The following PLPP1 variants were observed in gnomAD, a reference collection of about 807,000 sequenced individuals.
PLPP1 encodes lipid phosphate phosphohydrolase 1a.
A neutral mutation model predicts 31.2 loss-of-function variants in PLPP1; 24 were observed. The observed-to-expected ratio is 0.77, with a 90% CI of 0.56 to 1.08. The LOEUF is 1.08. Ranked by LOEUF, PLPP1 falls within the 50% of genes least tolerant of loss-of-function variation. The pLI, the probability that PLPP1 is intolerant of heterozygous loss-of-function variation, is 0.00. For missense variants in PLPP1, 319 were observed against 342.7 expected (o/e 0.93, Z 0.55); for synonymous variants, 146 against 126.3 (o/e 1.16, Z -1.05).
At chr5:55,457,790 G>A (rs773875011) in intron 3 of PLPP1, among the ~76,000 whole-genome samples, 1 of 151,790 alleles carries the variant, frequency 6.6e-6, no homozygotes, top group Admixed American at 6.6e-5. Flanking sequence ...TCAGGAGGCT[G>A]AGGCAGGAGA....
chr5:55,444,743 T>TGTGTGTGTGCGTGTG (rs368045819), intron 3 of PLPP1, among the ~76,000 whole-genome samples: 1 of 137,268 alleles, frequency 7.3e-6, no homozygotes, highest in Non-Finnish European at 1.6e-5. Context: ...GGATTCTATT[T>TGTGTGTGTGCGTGTG]TGTGTGTGTG....
intron 4 of PLPP1, among the ~76,000 whole-genome samples, chr5:55,431,169 A>G (rs1172193170): frequency 6.6e-6 from 1 of 152,238 alleles, no homozygotes; most frequent in African/African-American, 2.4e-5. Context: ...AAACTTCCCA[A>G]GTCTAGCAAG....
rs1166284058 is a variant in PLPP1, at chr5:55,443,211, A to ATATATATATG, written c.492-1304_492-1303insCATATATATA. ...AAAAAAAATATATATATATATATATATACACACACACACACACACACACAT... is the reference window on the plus strand; with the variant it reads ...AAAAAAAATATATATATATATATATATATATATATGTACACACACACACACACACACACAT... On this transcript the variant is annotated intron_variant, in intron 3 of 5. Coordinates refer to ENST00000307259, the MANE Select transcript of PLPP1 (RefSeq NM_003711.4). 1.0e-4 allele frequency among the ~76,000 whole-genome samples: 13 copies of ATATATATATG among 125,302 alleles called. No individual in the cohort carries two copies. In the East Asian group the frequency reaches 2.9e-3, roughly 28 times the overall value. The allele number at this position is 125,302 out of a possible 152,430, so 82.2% of individuals were successfully genotyped here. A position where few individuals can be genotyped will look rare whatever the true frequency, so the allele number is the denominator to read the frequency against.
intron 1 of PLPP1, among the ~76,000 whole-genome samples, chr5:55,528,877 G>A (rs1222776255): frequency 1.3e-5 from 2 of 152,090 alleles, no homozygotes; most frequent in Non-Finnish European, 2.9e-5. Context: ...TTTATTCTGT[G>A]ATTTGGGCCT....
intron 1 of PLPP1, among the ~76,000 whole-genome samples, chr5:55,529,450 T>A (rs1740580463): frequency 6.6e-6 from 1 of 152,142 alleles, no homozygotes; most frequent in African/African-American, 2.4e-5. Flanking sequence ...GAGCTGCTAT[T>A]CAGCTTAGTA....
intron 1 of PLPP1, chr5:55,491,127 G>C (rs762866300): frequency 6.3e-7 from 1 of 1,599,314 alleles, no homozygotes; most frequent in South Asian, 1.1e-5. Context: ...GTTGGGGAAG[G>C]GAAAAAAAGA....
At chr5:55,438,328 T>C (rs1751542861) in intron 4 of PLPP1, among the ~76,000 whole-genome samples, 1 of 152,158 alleles carries the variant, frequency 6.6e-6, no homozygotes, top group Non-Finnish European at 1.5e-5. Context: ...AGGTTTTCAC[T>C]GATGCTGACA....
At chr5:55,477,790 ATTTC>A (rs1752587394) in intron 1 of PLPP1, among the ~76,000 whole-genome samples, 2 of 152,038 alleles carry the variant, frequency 1.3e-5, no homozygotes. Flanking sequence ...TCCAATAAAC[ATTTC>A]TTTCTTTTGG....
intron 3 of PLPP1, among the ~76,000 whole-genome samples, chr5:55,451,803 T>G (rs972228952): frequency 6.6e-6 from 1 of 152,170 alleles, no homozygotes; most frequent in Non-Finnish European, 1.5e-5. Flanking sequence ...CCTCGTGATC[T>G]GCCCACCTTG....
chr5:55,468,192 G>C (rs746289802), intron 2 of PLPP1, 43 bp from the exon 3 acceptor site: 44 of 1,486,646 alleles, frequency 3.0e-5, no homozygotes, highest in Non-Finnish European at 2.2e-5. Context: ...GTAGCAAGCA[G>C]GCACTTTAAA....
At chr5:55,437,053 T>C (rs956578456) in intron 4 of PLPP1, among the ~76,000 whole-genome samples, 2 of 152,164 alleles carry the variant, frequency 1.3e-5, no homozygotes, top group African/African-American at 4.8e-5. Context: ...TACCCAACCA[T>C]GCTGGCACCC....
At chr5:55,494,145 T>C (rs1752955577) in intron 1 of PLPP1, among the ~76,000 whole-genome samples, 1 of 147,434 alleles carries the variant, frequency 6.8e-6, no homozygotes, top group Non-Finnish European at 1.5e-5. Flanking sequence ...GTCAGCAACA[T>C]GGTAAAATGA....
chr5:55,437,120 T>A (rs953176312), intron 4 of PLPP1, among the ~76,000 whole-genome samples: 3 of 152,214 alleles, frequency 2.0e-5, no homozygotes, highest in Non-Finnish European at 4.4e-5. Context: ...AACCACCCAG[T>A]CTGCTGCAAT....
intron 4 of PLPP1, among the ~76,000 whole-genome samples, chr5:55,428,725 A>G (rs1354216748): frequency 1.3e-5 from 2 of 152,208 alleles, no homozygotes; most frequent in African/African-American, 4.8e-5. Context: ...CGCCAAGGCT[A>G]ATAGTAAAAA....
intron 3 of PLPP1, among the ~76,000 whole-genome samples, chr5:55,449,474 T>C (rs1751848621): frequency 6.6e-6 from 1 of 152,186 alleles, no homozygotes; most frequent in African/African-American, 2.4e-5. Context: ...CTCTTCCTAA[T>C]AGTTTCCCCA....
At chr5:55,518,201 T>C (rs1460808168) in intron 1 of PLPP1, among the ~76,000 whole-genome samples, 2 of 152,320 alleles carry the variant, frequency 1.3e-5, no homozygotes, top group East Asian at 1.9e-4. Context: ...AGCACTCATC[T>C]AGAAATTTCC....
intron 4 of PLPP1, among the ~76,000 whole-genome samples, chr5:55,439,538 C>CT (rs1457432909): frequency 1.3e-5 from 2 of 152,184 alleles, no homozygotes; most frequent in Admixed American, 1.3e-4. Flanking sequence ...TAAAGTTGTT[C>CT]TTTTAACACA....
At chr5:55,484,153 G>C (rs1017411033) in intron 1 of PLPP1, among the ~76,000 whole-genome samples, 5 of 152,092 alleles carry the variant, frequency 3.3e-5, no homozygotes, top group African/African-American at 9.7e-5. Context: ...TGCTAAGTCA[G>C]CTAAGCAAGA....
rs1752336002 is a variant in PLPP1, at chr5:55,467,763, T to C, written c.491+106A>G. ...AAGATCAAAATTCACCTCCCAGTGA[T>C]AACACTAACTTCTCTTTTTAAGTGC... On this transcript the variant is annotated intron_variant, in intron 3 of 5. Transcript: ENST00000307259. The C allele has an allele frequency of 3.2e-6, 4 of 1,240,982 alleles. No individual in the cohort carries two copies. The African/African-American group carries it at 4.5e-5, about 14-fold the overall frequency. The allele number at this position is 1,240,982 out of a possible 1,614,324, so 76.9% of individuals were successfully genotyped here.
Sources: allele counts gnomAD v4.1 joint callset (sites outside exome capture counted in the v4.1 genomes callset), GRCh38; gene constraint gnomAD v4.1.1; transcripts MANE v1.5; gene names NCBI Gene and HGNC (gene_info 2026-07-23, HGNC 2026-07-21).